DCC: variants seen among roughly 807,000 people sequenced by gnomAD.
The protein encoded by DCC is netrin receptor DCC.
In DCC, 58 loss-of-function variants were observed where a neutral mutation model predicts 172.5. The ratio of observed to expected loss-of-function variants is 0.34; its 90% CI spans 0.27 to 0.42. DCC has a LOEUF of 0.42. Ranked by LOEUF, DCC falls within the 10% of genes least tolerant of loss-of-function variation. DCC has a pLI of 1.00. For missense variants in DCC, 1,740 were observed against 1,791.0 expected (o/e 0.97, Z 0.51); for synonymous variants, 709 against 644.5 (o/e 1.10, Z -1.52).
intron 2 of DCC, among the ~76,000 whole-genome samples, chr18:52,848,170 C>T (rs761102028): frequency 2.0e-5 from 3 of 149,970 alleles, no homozygotes; most frequent in Non-Finnish European, 3.0e-5. Context: ...ACTGCAACCT[C>T]CGCCTCCCAG....
intron 12 of DCC, among the ~76,000 whole-genome samples, chr18:53,236,468 G>T (rs2056204272): frequency 1.3e-5 from 2 of 151,898 alleles, no homozygotes; most frequent in African/African-American, 4.8e-5. Flanking sequence ...ATTATATTTT[G>T]GTATTGTTAA....
chr18:52,905,483 C>T (rs1011217271), intron 2 of DCC, among the ~76,000 whole-genome samples: 8 of 152,284 alleles, frequency 5.3e-5, no homozygotes, highest in Non-Finnish European at 8.8e-5. Context: ...TGAACATTTA[C>T]CTTAAGCAGT....
chr18:52,439,174 TTGTGTGTG>T (rs60983168), intron 1 of DCC, among the ~76,000 whole-genome samples: 21 of 144,852 alleles, frequency 1.4e-4, no homozygotes, highest in Middle Eastern at 3.5e-3. Context: ...AAGATATGTT[TTGTGTGTG>T]TGTGTGTGTG....
chr18:53,369,147 T>C (rs1280827731), intron 15 of DCC, among the ~76,000 whole-genome samples: 1 of 151,996 alleles, frequency 6.6e-6, no homozygotes, highest in Non-Finnish European at 1.5e-5. Flanking sequence ...AGAAGTCTTT[T>C]ATCTCCTTGG....
intron 2 of DCC, among the ~76,000 whole-genome samples, chr18:52,818,479 G>A (rs1317100720): frequency 6.7e-6 from 1 of 150,290 alleles, no homozygotes; most frequent in Non-Finnish European, 1.5e-5. Context: ...CAAATAGGCA[G>A]CATTTTGGCA....
At chr18:52,936,198 C>CAATCTGTGG (rs1162622492) in intron 5 of DCC, among the ~76,000 whole-genome samples, 6 of 57,250 alleles carry the variant, frequency 1.0e-4, no homozygotes, top group South Asian at 3.2e-4. Context: ...TAGTTATTTT[C>CAATCTGTGG]CTCAGCTGAA....
At chr18:52,923,914 A>G (rs2040162167) in intron 4 of DCC, 57 bp downstream of exon 4, 7 of 1,273,762 alleles carry the variant, frequency 5.5e-6, no homozygotes, top group Non-Finnish European at 8.0e-6. Context: ...ATATGCTGCT[A>G]TTTATATTTC....
intron 8 of DCC, among the ~76,000 whole-genome samples, chr18:53,161,255 G>A (rs564052660): frequency 6.6e-6 from 1 of 152,180 alleles, no homozygotes; most frequent in African/African-American, 2.4e-5. Context: ...ATAACCTCCT[G>A]TTGCTAACCC....
At chr18:53,444,602 T>A (rs911333669) in intron 22 of DCC, among the ~76,000 whole-genome samples, 1 of 152,194 alleles carries the variant, frequency 6.6e-6, no homozygotes, top group African/African-American at 2.4e-5. Context: ...AAAGCCTCCA[T>A]CAGCAAAAGG....
At chr18:52,556,725 C>A (rs906452905) in intron 1 of DCC, among the ~76,000 whole-genome samples, 2 of 152,080 alleles carry the variant, frequency 1.3e-5, no homozygotes, top group African/African-American at 4.8e-5. Context: ...GGCAACACTC[C>A]TTCCCCCCAC....
At chr18:52,988,524 T>C (rs1017433803) in intron 5 of DCC, among the ~76,000 whole-genome samples, 17 of 152,148 alleles carry the variant, frequency 1.1e-4, no homozygotes, top group African/African-American at 3.4e-4. Context: ...CTGGCTCTTA[T>C]TCAGTTTTCT....
chr18:53,438,606 T>C (rs1179544664), intron 22 of DCC, among the ~76,000 whole-genome samples: 2 of 152,228 alleles, frequency 1.3e-5, no homozygotes, highest in African/African-American at 4.8e-5. Context: ...AATCTGGAAA[T>C]CCCAATTTCA....
chr18:53,173,192 G>C (rs184497999), intron 8 of DCC, among the ~76,000 whole-genome samples: 1 of 152,028 alleles, frequency 6.6e-6, no homozygotes, highest in Admixed American at 6.6e-5. Flanking sequence ...GTGGCAAATG[G>C]GAGCATTGTT....
chr18:52,416,818 C>G lies in DCC; in HGVS notation c.91+75940C>G, dbSNP rs138665293. 2.2e-3 allele frequency among the ~76,000 whole-genome samples: 332 copies of G among 152,190 alleles called. 1 individual carries two copies. The highest frequency in any genetic ancestry group is 7.7e-3 in the African/African-American group (318 of 41,532). ...ATACAGCACACGATGGGTCTTGACT[C>G]TTTATCCAATTTGCCAGTCTGTGTC... On this transcript the variant is annotated intron_variant, in intron 1 of 28. Transcript: ENST00000442544.
intron 12 of DCC, among the ~76,000 whole-genome samples, chr18:53,252,204 T>C (rs1335487471): frequency 1.3e-5 from 2 of 151,982 alleles, no homozygotes; most frequent in Non-Finnish European, 2.9e-5. Context: ...AGAAACCCCT[T>C]GAAATACTAT....
intron 5 of DCC, among the ~76,000 whole-genome samples, chr18:53,055,290 A>G (rs2042388686): frequency 1.3e-5 from 2 of 152,188 alleles, no homozygotes. Context: ...CAGTAATAAT[A>G]TATTTACTTT....
intron 15 of DCC, among the ~76,000 whole-genome samples, chr18:53,349,699 A>G (rs924410217): frequency 3.3e-5 from 5 of 152,160 alleles, no homozygotes; most frequent in Non-Finnish European, 5.9e-5. Context: ...GCCAAAAGAG[A>G]GCTTGTGCAT....
intron 9 of DCC, among the ~76,000 whole-genome samples, chr18:53,192,877 T>C (rs1681504352): frequency 6.6e-6 from 1 of 152,204 alleles, no homozygotes; most frequent in Non-Finnish European, 1.5e-5. Context: ...GTTTCCTTTC[T>C]CAGTGAACAA....
intron 2 of DCC, among the ~76,000 whole-genome samples, chr18:52,827,207 T>A (rs2038525832): frequency 6.6e-6 from 1 of 152,300 alleles, no homozygotes; most frequent in Non-Finnish European, 1.5e-5. Context: ...GTCATTTAAG[T>A]TCATTGAACT....
Sources: allele counts gnomAD v4.1 joint callset (sites outside exome capture counted in the v4.1 genomes callset), GRCh38; gene constraint gnomAD v4.1.1; transcripts MANE v1.5; gene names NCBI Gene and HGNC (gene_info 2026-07-23, HGNC 2026-07-21).